Variants in TMEM132D observed in about 807,000 individuals in gnomAD.
TMEM132D encodes the protein mature OL transmembrane protein.
Under a neutral mutation model 62.3 loss-of-function variants are expected in TMEM132D, and 21 were observed. The observed-to-expected ratio is 0.34, with a 90% confidence interval of 0.24 to 0.49. TMEM132D has a LOEUF of 0.49. TMEM132D is among the 20% of genes least tolerant of loss of function. The pLI, the probability that TMEM132D is intolerant of heterozygous loss-of-function variation, is 0.99. For synonymous variants in TMEM132D, 621 were observed against 575.6 expected (o/e 1.08, Z -1.13); for missense variants, 1,346 against 1,402.8 (o/e 0.96, Z 0.65).
chr12:129,438,109 G>T (rs1010610700), intron 3 of TMEM132D, among the ~76,000 whole-genome samples: 3 of 152,124 alleles, frequency 2.0e-5, no homozygotes, highest in African/African-American at 7.2e-5. Flanking sequence ...TGGTGAATAT[G>T]TACCACATTC....
chr12:129,505,472 T>C (rs1283420131), intron 3 of TMEM132D, among the ~76,000 whole-genome samples: 1 of 152,162 alleles, frequency 6.6e-6, no homozygotes, highest in Admixed American at 6.5e-5. Flanking sequence ...CTTGATCTCC[T>C]GACCTTGTGA....
chr12:129,561,414 C>T (rs565889429), intron 2 of TMEM132D, among the ~76,000 whole-genome samples: 5 of 152,320 alleles, frequency 3.3e-5, no homozygotes, highest in African/African-American at 1.2e-4. Flanking sequence ...ATTCATGGAA[C>T]GCTAGGCATG....
intron 5 of TMEM132D, among the ~76,000 whole-genome samples, chr12:129,141,869 T>C (rs11614825): frequency 0.38 from 57,972 of 151,368 alleles, 11,887 homozygotes; most frequent in Non-Finnish European, 0.45. Flanking sequence ...CTCAGTATCA[T>C]GCAATATACA....
At chr12:129,708,288 G>A (rs1237476833) in intron 1 of TMEM132D, among the ~76,000 whole-genome samples, 1 of 152,122 alleles carries the variant, frequency 6.6e-6, no homozygotes, top group Admixed American at 6.5e-5. Flanking sequence ...ATAAGCTGAA[G>A]ACCAACTTGA....
chr12:129,343,525 T>C (rs1869577771), intron 3 of TMEM132D, among the ~76,000 whole-genome samples: 1 of 152,106 alleles, frequency 6.6e-6, no homozygotes, highest in African/African-American at 2.4e-5. Flanking sequence ...TGTATACATA[T>C]GTAACAAACC....
At chr12:129,213,448 G>A (rs1879110271) in intron 4 of TMEM132D, among the ~76,000 whole-genome samples, 1 of 152,178 alleles carries the variant, frequency 6.6e-6, no homozygotes, top group Non-Finnish European at 1.5e-5. Context: ...AGTGAGTCGT[G>A]ATTGTGCGAC....
At chr12:129,421,441 GT>G (rs1472899762) in intron 3 of TMEM132D, among the ~76,000 whole-genome samples, 5 of 152,224 alleles carry the variant, frequency 3.3e-5, no homozygotes, top group African/African-American at 1.2e-4. Flanking sequence ...GGATACATTT[GT>G]GCTTGTCGCA....
intron 1 of TMEM132D, among the ~76,000 whole-genome samples, chr12:129,758,692 A>C (rs57869054): frequency 0.013 from 2,022 of 152,306 alleles, 46 homozygotes; most frequent in African/African-American, 0.046. Context: ...TGTTTAAAAT[A>C]CTTCCAACCT....
At chr12:129,716,658 G>A (rs2137240416) in intron 1 of TMEM132D, among the ~76,000 whole-genome samples, 1 of 152,266 alleles carries the variant, frequency 6.6e-6, no homozygotes, top group Non-Finnish European at 1.5e-5. Flanking sequence ...AGGGGACTTT[G>A]CAGATGGGAC....
chr12:129,282,720 T>C (rs1413048994), intron 4 of TMEM132D, among the ~76,000 whole-genome samples: 1 of 152,210 alleles, frequency 6.6e-6, no homozygotes, highest in African/African-American at 2.4e-5. Flanking sequence ...GAAATTTACA[T>C]TTCTTGCATA....
chr12:129,842,456 T>C (rs1047649600), intron 1 of TMEM132D, among the ~76,000 whole-genome samples: 1 of 78,624 alleles, frequency 1.3e-5, no homozygotes, highest in South Asian at 3.3e-4. Context: ...AAATATTTCT[T>C]TTTTTTTTGG....
intron 3 of TMEM132D, among the ~76,000 whole-genome samples, chr12:129,395,805 T>C (rs1871410410): frequency 1.1e-5 from 1 of 92,672 alleles, no homozygotes; most frequent in South Asian, 4.9e-4. Context: ...TATTTCTATA[T>C]AGATATATCT....
intron 4 of TMEM132D, 71 bp from the exon 5 acceptor site, chr12:129,209,734 T>G (rs1878973258): frequency 6.3e-7 from 1 of 1,583,616 alleles, no homozygotes; most frequent in Non-Finnish European, 8.6e-7. Context: ...GTATGCCGCC[T>G]GCCTTTCCTC....
rs146529843 is a variant in TMEM132D at position 129,796,595 on chromosome 12, T to C, written c.80-95897A>G. Among the ~76,000 whole-genome samples the C allele has an allele frequency of 1.2e-4, 18 of 152,244 alleles. 1 individual carries two copies. Among genetic ancestry groups the C allele is most frequent in the African/African-American group, 4.1e-4 (17 of 41,548 alleles). The stretch of plus-strand genomic sequence containing the variant: ...TCCTTTGCAGGGACATGGATGAAGT[T>C]GGAAACCATCATTCTCAGCAAACTA... On this transcript the variant is annotated intron_variant, in intron 1 of 8. Transcript: ENST00000422113.
At chr12:129,223,852 T>C (rs1879412420) in intron 4 of TMEM132D, among the ~76,000 whole-genome samples, 1 of 152,232 alleles carries the variant, frequency 6.6e-6, no homozygotes, top group African/African-American at 2.4e-5. Context: ...TGAAATCCAC[T>C]AACATATCTA....
chr12:129,782,686 T>TTCTGATAAATCCAGGTAAG (rs916049257), intron 1 of TMEM132D, among the ~76,000 whole-genome samples: 2 of 151,992 alleles, frequency 1.3e-5, no homozygotes, highest in Non-Finnish European at 2.9e-5. Flanking sequence ...ACAGGTGTAT[T>TTCTGATAAATCCAGGTAAG]TCTGATAAAT....
chr12:129,087,505 G>C (rs1330346627), intron 5 of TMEM132D, among the ~76,000 whole-genome samples: 2 of 150,950 alleles, frequency 1.3e-5, no homozygotes, highest in African/African-American at 4.9e-5. Context: ...CCTTATAAGA[G>C]GGAGGCAGGG....
intron 3 of TMEM132D, among the ~76,000 whole-genome samples, chr12:129,384,451 A>G (rs1871046395): frequency 6.6e-6 from 1 of 152,234 alleles, no homozygotes; most frequent in African/African-American, 2.4e-5. Context: ...AAAATTAAAA[A>G]AAGTCTCAGA....
chr12:129,543,396 G>A (rs900997599), intron 2 of TMEM132D, among the ~76,000 whole-genome samples: 10 of 140,058 alleles, frequency 7.1e-5, no homozygotes, highest in Non-Finnish European at 1.4e-4. Flanking sequence ...ATGGATGGAT[G>A]GATGGATGGA....
Sources: allele counts gnomAD v4.1 joint callset (sites outside exome capture counted in the v4.1 genomes callset), GRCh38; gene constraint gnomAD v4.1.1; transcripts MANE v1.5; gene names NCBI Gene and HGNC (gene_info 2026-07-23, HGNC 2026-07-21).